The following PRSS23 variants were observed in gnomAD, a reference collection of about 807,000 sequenced individuals.
The protein encoded by PRSS23 is serine protease 23.
Under a neutral mutation model 34.7 loss-of-function variants are expected in PRSS23, and 25 were observed. The observed-to-expected ratio is 0.72, with a 90% CI of 0.53 to 1.01. The LOEUF is 1.01. PRSS23 is among the 50% of genes least tolerant of loss of function. The probability of loss-of-function intolerance (pLI) is 0.00; values close to 1 mark genes in which losing one functional copy is unlikely to be tolerated. For synonymous variants in PRSS23, 176 were observed against 186.6 expected (o/e 0.94, Z 0.46); for missense variants, 445 against 475.6 (o/e 0.94, Z 0.60).
chr11:86,834,976 T>C (rs111812075), intron 2 of PRSS23, among the ~76,000 whole-genome samples: 1 of 152,170 alleles, frequency 6.6e-6, no homozygotes, highest in Non-Finnish European at 1.5e-5. Flanking sequence ...CAAGTTGAGG[T>C]GGGGATCAGT....
chr11:86,800,084 T>A (rs1590865708), upstream of PRSS23, among the ~76,000 whole-genome samples: 1 of 152,244 alleles, frequency 6.6e-6, no homozygotes, highest in Non-Finnish European at 1.5e-5. Context: ...GTGGCCCGCG[T>A]CCCTAGTTCT....
intron 1 of PRSS23, chr11:86,821,392 C>A: frequency 7.7e-7 from 1 of 1,298,822 alleles, no homozygotes; most frequent in South Asian, 1.2e-5. Flanking sequence ...TTATGCTAAC[C>A]CTGCTGGGAA....
intron 2 of PRSS23, among the ~76,000 whole-genome samples, chr11:86,941,499 A>C (rs567069837): frequency 6.6e-5 from 10 of 152,340 alleles, no homozygotes; most frequent in African/African-American, 2.2e-4. Context: ...ATATTTACTA[A>C]GCAGTAGAGG....
chr11:86,913,288 A>AAAAC (rs1555081376), intron 2 of PRSS23, among the ~76,000 whole-genome samples: 2,891 of 144,876 alleles, frequency 0.02, 154 homozygotes, highest in African/African-American at 0.061. Context: ...AAAAAAAAAA[A>AAAAC]AAACCTATTA....
chr11:86,820,556 G>A (rs1242389839), intron 1 of PRSS23, among the ~76,000 whole-genome samples: 1 of 152,102 alleles, frequency 6.6e-6, no homozygotes, highest in Non-Finnish European at 1.5e-5. Flanking sequence ...ACTTTATGTA[G>A]CACAGTAAAA....
At chr11:86,888,028 G>A (rs1590914100) in intron 2 of PRSS23, among the ~76,000 whole-genome samples, 2 of 150,904 alleles carry the variant, frequency 1.3e-5, no homozygotes, top group East Asian at 1.9e-4. Flanking sequence ...CTCCAGCCTA[G>A]GTAACAAGAG....
At chr11:86,858,500 G>A (rs1056039313) in intron 2 of PRSS23, among the ~76,000 whole-genome samples, 10 of 151,482 alleles carry the variant, frequency 6.6e-5, no homozygotes, top group Non-Finnish European at 1.0e-4. Context: ...GGTGTACACC[G>A]CCCCTATGAT....
At chr11:86,888,906 G>A (rs953709511) in intron 2 of PRSS23, among the ~76,000 whole-genome samples, 2 of 152,168 alleles carry the variant, frequency 1.3e-5, no homozygotes, top group African/African-American at 4.8e-5. Context: ...TTTGCCCCTG[G>A]GAACTTGCTG....
chr11:86,879,194 C>A lies in PRSS23; in HGVS notation c.206+55601C>A, dbSNP rs1473470830. Among the ~76,000 whole-genome samples, 18 of 150,388 alleles carry A rather than the reference C, an allele frequency of 1.2e-4. 1 individual carries two copies. In the East Asian group the frequency reaches 3.4e-3, roughly 29 times the overall value. On this transcript the variant is annotated intron_variant, in intron 2 of 2. Coordinates refer to the PRSS23 transcript ENST00000533902. The stretch of plus-strand genomic sequence containing the variant: ...GGAAGTGAGGAGCGTCTCTGCCCGG[C>A]GGCCCATCATCTGAGATGTGGGGAG...
At chr11:86,875,529 G>A (rs1325054972) in intron 2 of PRSS23, among the ~76,000 whole-genome samples, 2 of 152,172 alleles carry the variant, frequency 1.3e-5, no homozygotes, top group Admixed American at 6.5e-5. Context: ...GAACTCAAAT[G>A]TTTTGTGAGT....
In PRSS23 at chr11:86,809,567, A is replaced by G. The variant is rs924078458; in HGVS notation, c.*772A>G. The G allele has an allele frequency of 6.0e-6, 1 of 167,056 alleles. No homozygotes were observed. The highest frequency in any genetic ancestry group is 2.4e-5 in the African/African-American group (1 of 41,446). The allele number at this position is 167,056 out of a possible 1,614,324, so 10.3% of individuals were successfully genotyped here. Reference sequence around the variant, plus strand: ...AGTGTTTATCCCAACCCTTCCATTTAACAGGATTTCACTCACATTTCTGGA... The same window carrying G: ...AGTGTTTATCCCAACCCTTCCATTTGACAGGATTTCACTCACATTTCTGGA... On this transcript the variant is annotated 3_prime_UTR_variant, in exon 2 of 2. Coordinates refer to ENST00000280258, the MANE Select transcript of PRSS23 (RefSeq NM_007173.6).
intron 2 of PRSS23, chr11:86,909,660 A>AGTAC (rs1310718512): frequency 6.6e-6 from 1 of 152,232 alleles, no homozygotes; most frequent in Admixed American, 6.5e-5. Context: ...AAGAACAGGG[A>AGTAC]TGTCCAGAGT....
chr11:86,829,720 G>C (rs1429645620), intron 2 of PRSS23, among the ~76,000 whole-genome samples: 13 of 152,290 alleles, frequency 8.5e-5, no homozygotes, highest in African/African-American at 2.6e-4. Context: ...AGGACCCTCA[G>C]CTGCAGGTCT....
At chr11:86,801,156 A>G (rs1175892119) in intron 1 of PRSS23, among the ~76,000 whole-genome samples, 1 of 152,194 alleles carries the variant, frequency 6.6e-6, no homozygotes, top group African/African-American at 2.4e-5. Context: ...CAGCAAATAC[A>G]GGCTGGGAAA....
rs201457319 is a variant in PRSS23 at position 86,951,374 on chromosome 11, T to C, written c.*89T>C. The C allele has an allele frequency of 4.8e-5, 77 of 1,613,844 alleles. No individual in the cohort carries two copies. Among genetic ancestry groups the C allele is most frequent in the Non-Finnish European group, 3.1e-5 (37 of 1,179,862 alleles). ...TGCAGAATACCGAAAAAGTGCCCAG[T>C]TGGAGATTTCATAAAAATAACAGGC... On this transcript the variant is annotated 3_prime_UTR_variant, in exon 3 of 3. Transcript: ENST00000533902.
chr11:86,940,838 CT>C (rs1490903290), intron 2 of PRSS23: 2 of 152,198 alleles, frequency 1.3e-5, no homozygotes, highest in Non-Finnish European at 2.9e-5. Context: ...CTTCTTTTAA[CT>C]TCTATAGAGC....
chr11:86,878,520 C>A (rs531861595), intron 2 of PRSS23, among the ~76,000 whole-genome samples: 1 of 152,316 alleles, frequency 6.6e-6, no homozygotes, highest in East Asian at 1.9e-4. Context: ...CAGCCTCGGC[C>A]TCCTGAGGTG....
At chr11:86,951,868 T>A in exon 3 of PRSS23, 1 of 1,613,658 alleles carries the variant, frequency 6.2e-7, no homozygotes, top group Non-Finnish European at 8.5e-7. Flanking sequence ...TGTTCTTAAG[T>A]CCTTCTTGGA....
At chr11:86,838,531 T>A (rs2845689) in intron 2 of PRSS23, among the ~76,000 whole-genome samples, 63,388 of 152,012 alleles carry the variant, frequency 0.42, 13,490 homozygotes, top group East Asian at 0.48. Context: ...TAGATTTCAC[T>A]TCTGGGGGCA....
Sources: allele counts gnomAD v4.1 joint callset (sites outside exome capture counted in the v4.1 genomes callset), GRCh38; gene constraint gnomAD v4.1.1; transcripts MANE v1.5; gene names NCBI Gene and HGNC (gene_info 2026-07-23, HGNC 2026-07-21).